ARHGAP35: variants seen among roughly 807,000 people sequenced by gnomAD.
ARHGAP35 encodes the protein Rho GTPase activating protein 35.
Under a neutral mutation model 111.1 loss-of-function variants are expected in ARHGAP35, and 15 were observed. The observed-to-expected ratio is 0.13, with a 90% CI of 0.09 to 0.21. The LOEUF is 0.21. ARHGAP35 is among the 10% of genes least tolerant of loss of function. ARHGAP35 has a pLI of 1.00. For missense variants in ARHGAP35, 1,262 were observed against 1,873.0 expected, an observed-to-expected ratio of 0.67 and a Z score of 6.02; for synonymous variants, 643 against 710.3, an observed-to-expected ratio of 0.91 and a Z score of 1.51.
intron 2 of ARHGAP35, among the ~76,000 whole-genome samples, chr19:46,932,582 T>C (rs551892743): frequency 1.9e-4 from 29 of 152,140 alleles, no homozygotes; most frequent in Non-Finnish European, 2.6e-4. Context: ...GCCTGAAGTG[T>C]TGTTTCTATC....
chr19:46,880,452 C>T (rs1321012182), intron 1 of ARHGAP35, among the ~76,000 whole-genome samples: 1 of 152,092 alleles, frequency 6.6e-6, no homozygotes, highest in Admixed American at 6.6e-5. Context: ...AGCAATTCCT[C>T]ATCTGTTCAG....
At chr19:46,900,768 G>GA (rs11373507) in intron 1 of ARHGAP35, among the ~76,000 whole-genome samples, 93,456 of 149,954 alleles carry the variant, frequency 0.62, 29,674 homozygotes, top group Middle Eastern at 0.77. Context: ...AGAAATTAAA[G>GA]AAAAAAAAAA....
At position 46,921,088 on chromosome 19, in the gene ARHGAP35, C is replaced by A. The variant is rs765823240; in HGVS notation, c.2413C>A (p.Gln805Lys). 3.1e-6 allele frequency: 5 copies of A among 1,613,862 alleles called. No homozygotes were observed. The South Asian group carries it at 5.5e-5, about 18-fold the overall frequency. The stretch of plus-strand genomic sequence containing the variant: ...AGATGACATACTTTTTCCTGTCCTT[C>A]AGTCCCAAACCTGTAAATCTTCCCA... ...SADDILFPVL[Q>K]SQTCKSSHCG... The change falls in exon 2 of 7, where the codon CAG (glutamine) becomes AAG (lysine). Residue 805 changes from glutamine to lysine, a missense_variant. Around this residue, in one of 8 missense-constraint regions of ARHGAP35, gnomAD observed 579 missense variants for 716.9 expected, o/e 0.81. Transcript: ENST00000672722. The surrounding 1 kb of genome is among the most constrained non-coding windows in gnomAD (Gnocchi z 4.3).
chr19:46,981,327 TTA>T (rs1160290139), intron 3 of ARHGAP35, among the ~76,000 whole-genome samples: 2 of 152,208 alleles, frequency 1.3e-5, no homozygotes, highest in Admixed American at 6.5e-5. Flanking sequence ...ATGGGGTGTT[TTA>T]GAGTACTAGC....
Position 46,905,485 on chromosome 19 carries a change from C to G in ARHGAP35, c.-188-13003C>G, listed in dbSNP as rs111543126. Among the ~76,000 whole-genome samples the G allele has an allele frequency of 6.1e-3, 927 of 151,058 alleles. 5 individuals carry two copies. The highest frequency in any genetic ancestry group is 0.02 in the South Asian group (97 of 4,780). On this transcript the variant is annotated intron_variant, in intron 1 of 6. Coordinates refer to ENST00000672722, the MANE Select transcript of ARHGAP35 (RefSeq NM_004491.5). The stretch of plus-strand genomic sequence containing the variant: ...CTGCCGCCGGGGTTCAAGAGACTCT[C>G]CTGCCTCAGCCTCCCGAGTAGTTGG...
intron 3 of ARHGAP35, among the ~76,000 whole-genome samples, chr19:46,971,594 G>A (rs891480029): frequency 1.3e-5 from 2 of 151,244 alleles, no homozygotes; most frequent in African/African-American, 2.4e-5. Context: ...CCCCCTCCCA[G>A]GTTCAAACGA....
In ARHGAP35 at chr19:46,921,368, A is replaced by G. The variant is rs1397983812; in HGVS notation, c.2693A>G (p.Asn898Ser). ...LTDGAVDVLD[N>S]DLSREQLTEG... ...GATGGCGCTGTAGATGTCCTGGACA[A>G]TGACTTAAGTAGGGAACAGCTAACT... is the stretch of plus-strand genomic sequence containing the variant. Residue 898 changes from asparagine to serine, a missense_variant, in exon 2 of 7, where the codon AAT becomes AGT. Asn to Ser is a conservative substitution (Grantham distance 46). Around this residue, in one of 8 missense-constraint regions of ARHGAP35, gnomAD observed 579 missense variants for 716.9 expected, o/e 0.81. Coordinates refer to ENST00000672722, the MANE Select transcript of ARHGAP35 (RefSeq NM_004491.5). This position sits in a 1 kb window ranked among gnomAD's most constrained non-coding sequence, Gnocchi z 4.3. 1 of 1,613,988 alleles carries G rather than the reference A, an allele frequency of 6.2e-7. No homozygotes were observed. Among genetic ancestry groups the G allele is most frequent in the East Asian group, 2.2e-5 (1 of 44,888 alleles).
intron 3 of ARHGAP35, among the ~76,000 whole-genome samples, chr19:46,939,374 T>TTTAA (rs1289604092): frequency 9.8e-5 from 2 of 20,336 alleles, no homozygotes; most frequent in South Asian, 1.0e-3. Context: ...CACCTTTACA[T>TTTAA]TTATTTATTT....
intron 2 of ARHGAP35, among the ~76,000 whole-genome samples, chr19:46,936,437 A>G (rs910850367): frequency 5.9e-5 from 9 of 152,192 alleles, no homozygotes; most frequent in African/African-American, 2.2e-4. Flanking sequence ...GATGCAACTG[A>G]GAATTAACCC....
rs1445249814 is a variant in ARHGAP35, at chr19:46,987,984, C to G, written c.3827-5C>G. Reference sequence around the variant, plus strand: ...GCTCCTAAGACCCTGCCTGTTTCTCCTCAGGACTGAGCACGGAAGGCATCT... The same window carrying G: ...GCTCCTAAGACCCTGCCTGTTTCTCGTCAGGACTGAGCACGGAAGGCATCT... On this transcript the variant is annotated splice_region_variant and splice_polypyrimidine_tract_variant and intron_variant, in intron 3 of 6. Transcript: ENST00000672722. 6 of 1,613,752 alleles carry G rather than the reference C, an allele frequency of 3.7e-6. No homozygotes were observed. Among genetic ancestry groups the G allele is most frequent in the Non-Finnish European group, 5.1e-6 (6 of 1,179,802 alleles).
chr19:46,913,032 T>C (rs1252541201), intron 1 of ARHGAP35, among the ~76,000 whole-genome samples: 1 of 151,984 alleles, frequency 6.6e-6, no homozygotes, highest in Non-Finnish European at 1.5e-5. Context: ...CTTCCTTTGC[T>C]TGTAGTTCTG....
intron 1 of ARHGAP35, among the ~76,000 whole-genome samples, chr19:46,912,996 G>A (rs1266399311): frequency 6.6e-6 from 1 of 151,758 alleles, no homozygotes; most frequent in African/African-American, 2.4e-5. Flanking sequence ...TTGAGATTAA[G>A]GAAAATTGTG....
At chr19:46,949,537 G>C (rs1001391222) in intron 3 of ARHGAP35, among the ~76,000 whole-genome samples, 1 of 152,012 alleles carries the variant, frequency 6.6e-6, no homozygotes, top group Non-Finnish European at 1.5e-5. Context: ...CAAGTGGCCT[G>C]AACTCAACAA....
rs2056747025 is a variant in ARHGAP35, at chr19:47,001,276, T to C, written c.*588T>C. 1.6e-6 allele frequency: 2 copies of C among 1,289,924 alleles called. No individual in the cohort carries two copies. The highest frequency in any genetic ancestry group is 3.0e-5 in the African/African-American group (2 of 65,842). The allele number at this position is 1,289,924 out of a possible 1,614,324, so 79.9% of individuals were successfully genotyped here. A position where few individuals can be genotyped will look rare whatever the true frequency, so the allele number is the denominator to read the frequency against. ...CAGATCAGAACAACGGAGGATAGCT[T>C]TGTGCCTGGACCCAGAGAGTGTGGG... On this transcript the variant is annotated 3_prime_UTR_variant, in exon 7 of 7. Coordinates refer to ENST00000672722, the MANE Select transcript of ARHGAP35 (RefSeq NM_004491.5). The surrounding 1 kb of genome is among the most constrained non-coding windows in gnomAD (Gnocchi z 5.4).
intron 1 of ARHGAP35, among the ~76,000 whole-genome samples, chr19:46,905,552 T>TCC (rs1471987290): frequency 4.2e-4 from 58 of 139,552 alleles, no homozygotes; most frequent in African/African-American, 1.6e-3. Flanking sequence ...ATTTTTGTAT[T>TCC]CCACCCCCCC....
chr19:46,996,216 G>C (rs1016479746), intron 5 of ARHGAP35, among the ~76,000 whole-genome samples: 1 of 152,144 alleles, frequency 6.6e-6, no homozygotes, highest in African/African-American at 2.4e-5. Flanking sequence ...TGATCCTTCT[G>C]CCTCAGCCTC....
At chr19:46,938,856 C>T (rs566344116) in intron 3 of ARHGAP35, among the ~76,000 whole-genome samples, 2 of 151,946 alleles carry the variant, frequency 1.3e-5, no homozygotes, top group African/African-American at 2.4e-5. Flanking sequence ...TAGGGTTTCA[C>T]CACATTGGTC....
intron 1 of ARHGAP35, among the ~76,000 whole-genome samples, chr19:46,912,603 A>G (rs1232508971): frequency 1.4e-5 from 2 of 147,394 alleles, no homozygotes; most frequent in African/African-American, 5.0e-5. Context: ...TGATCTGCCC[A>G]CCTCGGCCTC....
At position 46,959,851 on chromosome 19, in the gene ARHGAP35, G is replaced by T. The variant is rs1027762711; in HGVS notation, c.3826+22443G>T. On this transcript the variant is annotated intron_variant, in intron 3 of 6. Coordinates refer to ENST00000672722, the MANE Select transcript of ARHGAP35 (RefSeq NM_004491.5). ...TGGCTCCAGCCTGTAATCCCAGCAT[G>T]CTGGGAGGCAGAGGGGCTAGAGGAT... Among the ~76,000 whole-genome samples, 3 of 152,038 alleles carry T rather than the reference G, an allele frequency of 2.0e-5. No homozygotes were observed. The East Asian group carries it at 5.8e-4, about 29-fold the overall frequency.
Sources: gnomAD v4.1 joint callset for allele counts (sites outside exome capture counted in the v4.1 genomes callset) on GRCh38, gnomAD v4.1.1 for gene constraint, gnomAD v4.1.1 regional missense constraint, Gnocchi (gnomAD v3.1) non-coding constraint, MANE v1.5 for transcripts, NCBI Gene and HGNC (gene_info 2026-07-23, HGNC 2026-07-21) for gene names.